The following SMC5 variants were observed in gnomAD, a reference collection of about 807,000 sequenced individuals.
The protein encoded by SMC5 is structural maintenance of chromosomes protein 5.
A neutral mutation model predicts 148.3 loss-of-function variants in SMC5; 88 were observed. That is an observed-to-expected ratio of 0.59 (90% CI 0.50 to 0.71). The LOEUF (loss-of-function observed/expected upper bound fraction) is 0.71. Among genes scored for constraint, SMC5 ranks in the 30% least tolerant of loss-of-function variants. SMC5 has a pLI of 0.00. For synonymous variants in SMC5, 421 were observed against 432.8 expected (o/e 0.97, Z 0.34); for missense variants, 1,142 against 1,298.9 (o/e 0.88, Z 1.86).
intron 2 of SMC5, among the ~76,000 whole-genome samples, chr9:70,266,229 A>C (rs1173688454): frequency 2.0e-5 from 3 of 152,148 alleles, no homozygotes; most frequent in Non-Finnish European, 4.4e-5. Flanking sequence ...AATTCCCCTT[A>C]AGATTATAAA....
At chr9:70,314,968 G>T in intron 12 of SMC5, 132 bp downstream of exon 12, 2 of 531,668 alleles carry the variant, frequency 3.8e-6, no homozygotes, top group Non-Finnish European at 6.5e-6. Context: ...AAAAATTTAG[G>T]CACAGGACCA....
chr9:70,295,817 G>A (rs11142355), intron 8 of SMC5, among the ~76,000 whole-genome samples: 17,430 of 152,020 alleles, frequency 0.11, 1,078 homozygotes, highest in African/African-American at 0.15. Flanking sequence ...TGTTTTGCTG[G>A]GATTGCAGAC....
intron 1 of SMC5, among the ~76,000 whole-genome samples, chr9:70,260,397 A>G (rs1373153932): frequency 6.6e-6 from 1 of 151,882 alleles, no homozygotes; most frequent in Non-Finnish European, 1.5e-5. Context: ...GTGAGCCACC[A>G]TGTCCGGCCG....
intron 15 of SMC5, among the ~76,000 whole-genome samples, chr9:70,320,632 A>G (rs575639864): frequency 6.6e-6 from 1 of 152,308 alleles, no homozygotes; most frequent in East Asian, 1.9e-4. Context: ...CATTTTATAT[A>G]AGGGACTTAA....
intron 9 of SMC5, among the ~76,000 whole-genome samples, chr9:70,299,757 T>C (rs1730546438): frequency 6.6e-6 from 1 of 151,958 alleles, no homozygotes; most frequent in African/African-American, 2.4e-5. Context: ...TGTCTTTTGA[T>C]AGGAAATCTA....
At chr9:70,318,216 A>T (rs1257947402) in intron 13 of SMC5, among the ~76,000 whole-genome samples, 1 of 152,086 alleles carries the variant, frequency 6.6e-6, no homozygotes, top group Non-Finnish European at 1.5e-5. Flanking sequence ...GAAAAACTCC[A>T]TCTCTACAAA....
chr9:70,281,811 A>G (rs2034757470), intron 6 of SMC5, among the ~76,000 whole-genome samples: 1 of 146,986 alleles, frequency 6.8e-6, no homozygotes, highest in African/African-American at 2.5e-5. Context: ...TTGTCTTTTG[A>G]TTTTCCTTAT....
At chr9:70,317,270 A>C (rs1184667411) in intron 13 of SMC5, among the ~76,000 whole-genome samples, 1 of 152,080 alleles carries the variant, frequency 6.6e-6, no homozygotes, top group African/African-American at 2.4e-5. Context: ...TTTATTATTA[A>C]CTCTTAACAT....
intron 11 of SMC5, among the ~76,000 whole-genome samples, chr9:70,306,422 G>T (rs1156887337): frequency 1.3e-5 from 2 of 152,136 alleles, no homozygotes; most frequent in African/African-American, 4.8e-5. Context: ...ACATAAAGGT[G>T]ACTGGATAAA....
chr9:70,292,928 G>A (rs952562220), intron 8 of SMC5, among the ~76,000 whole-genome samples: 1 of 152,072 alleles, frequency 6.6e-6, no homozygotes, highest in Non-Finnish European at 1.5e-5. Flanking sequence ...TTTTGCGTCT[G>A]TATTCATGAG....
intron 20 of SMC5, 39 bp from the exon 21 acceptor site, chr9:70,347,574 G>A (rs767950869): frequency 5.6e-6 from 6 of 1,075,634 alleles, no homozygotes; most frequent in African/African-American, 4.9e-5. Flanking sequence ...TTATCCTTTG[G>A]TAGATTTATC....
chr9:70,350,748 G>A (rs2036785520), intron 24 of SMC5, among the ~76,000 whole-genome samples: 1 of 151,998 alleles, frequency 6.6e-6, no homozygotes, highest in Non-Finnish European at 1.5e-5. Flanking sequence ...AGATGAGTGG[G>A]GAATACAACC....
At chr9:70,264,775 G>C (rs1276563518) in intron 2 of SMC5, among the ~76,000 whole-genome samples, 9 of 152,114 alleles carry the variant, frequency 5.9e-5, no homozygotes, top group Non-Finnish European at 1.3e-4. Flanking sequence ...GTTGCTTAAT[G>C]ATGGGAATAT....
chr9:70,310,593 T>C (rs2035631532), intron 11 of SMC5, among the ~76,000 whole-genome samples: 2 of 152,224 alleles, frequency 1.3e-5, no homozygotes, highest in African/African-American at 2.4e-5. Context: ...TGGCTTCAAC[T>C]TAAAAGTCAG....
intron 17 of SMC5, among the ~76,000 whole-genome samples, chr9:70,338,082 A>C (rs937698023): frequency 1.3e-5 from 2 of 151,980 alleles, no homozygotes; most frequent in Non-Finnish European, 2.9e-5. Context: ...TGGCATGGTC[A>C]ACAGCTTGCT....
At chr9:70,337,958 G>T (rs10868805) in intron 17 of SMC5, among the ~76,000 whole-genome samples, 1 of 151,594 alleles carries the variant, frequency 6.6e-6, no homozygotes, top group African/African-American at 2.4e-5. Context: ...ACCATAACTC[G>T]TTATGTATTA....
At chr9:70,272,332 T>C (rs937101298) in intron 3 of SMC5, among the ~76,000 whole-genome samples, 3 of 152,190 alleles carry the variant, frequency 2.0e-5, no homozygotes, top group South Asian at 2.1e-4. Context: ...TAGTTTGAAA[T>C]GTGCATCCCA....
intron 17 of SMC5, among the ~76,000 whole-genome samples, chr9:70,333,054 T>A (rs571796535): frequency 2.0e-5 from 3 of 152,200 alleles, no homozygotes; most frequent in South Asian, 4.2e-4. Context: ...TAGTCCACAT[T>A]GTACTGGAAG....
At chr9:70,297,130 A>G (rs1010641494) in intron 8 of SMC5, among the ~76,000 whole-genome samples, 1 of 152,226 alleles carries the variant, frequency 6.6e-6, no homozygotes, top group Admixed American at 6.5e-5. Flanking sequence ...ATAATGAGGT[A>G]TCTTGAGAAT....
Sources: gnomAD v4.1 joint callset for allele counts (sites outside exome capture counted in the v4.1 genomes callset) on GRCh38, gnomAD v4.1.1 for gene constraint, MANE v1.5 for transcripts, NCBI Gene and HGNC (gene_info 2026-07-23, HGNC 2026-07-21) for gene names.